ZNF292: variants seen among roughly 807,000 people sequenced by gnomAD.
ZNF292 encodes 16 zinc-finger domain protein.
In ZNF292, 26 loss-of-function variants were observed where a neutral mutation model predicts 217.9. That is an observed-to-expected ratio of 0.12 (90% CI 0.09 to 0.17). ZNF292 has a LOEUF of 0.17. ZNF292 is among the 10% of genes least tolerant of loss of function. The pLI is 1.00. For synonymous variants in ZNF292, 1,257 were observed against 1,124.1 expected, an observed-to-expected ratio of 1.12 and a Z score of -2.37; for missense variants, 2,904 against 3,175.2, an observed-to-expected ratio of 0.91 and a Z score of 2.05.
chr6:87,167,824 G>A (rs1177382918), intron 1 of ZNF292, among the ~76,000 whole-genome samples: 2 of 152,102 alleles, frequency 1.3e-5, no homozygotes, highest in Admixed American at 6.5e-5. Context: ...GGAATTCTTC[G>A]CTGATTCAGA....
intron 1 of ZNF292, among the ~76,000 whole-genome samples, chr6:87,206,729 C>T (rs1393657549): frequency 6.6e-6 from 1 of 152,002 alleles, no homozygotes; most frequent in Non-Finnish European, 1.5e-5. Context: ...TATATGAATT[C>T]CTAACAATCA....
intron 4 of ZNF292, among the ~76,000 whole-genome samples, chr6:87,228,232 T>C (rs1360253649): frequency 6.6e-6 from 1 of 152,244 alleles, no homozygotes; most frequent in African/African-American, 2.4e-5. Context: ...ATGTTATCTT[T>C]TGAGAAATAT....
At position 87,255,061 on chromosome 6, in the gene ZNF292, G is replaced by T; in HGVS notation, c.1432G>T (p.Val478Leu). ...AATAGATGAACTAAATGACAGTGAA[G>T]TATATGAAAAAGTGGTAGACTACCA... ...SSIDELNDSEVYEKVVDYQEE... is the reference protein window; with the variant it reads ...SSIDELNDSELYEKVVDYQEE... The change falls in exon 8 of 8, where the codon GTA becomes TTA. Residue 478 changes from valine to leucine, a missense_variant. Val to Leu is a conservative substitution (Grantham distance 32). Transcript: ENST00000369577. The T allele has an allele frequency of 6.2e-7, 1 of 1,613,700 alleles. No individual in the cohort carries two copies. Among genetic ancestry groups the T allele is most frequent in the Non-Finnish European group, 8.5e-7 (1 of 1,179,852 alleles).
At chr6:87,181,767 C>T (rs896791927) in intron 1 of ZNF292, among the ~76,000 whole-genome samples, 15 of 152,074 alleles carry the variant, frequency 9.9e-5, no homozygotes, top group African/African-American at 2.7e-4. Context: ...CTGCAACCTC[C>T]GCCTCCTGGG....
rs1775644114 is a variant in ZNF292 at position 87,262,221 on chromosome 6, GAC to G, written c.*424_*425del. The G allele has an allele frequency of 1.3e-5, 2 of 152,360 alleles. No homozygotes were observed. The highest frequency in any genetic ancestry group is 1.3e-4 in the Admixed American group (2 of 15,258). The allele number at this position is 152,360 out of a possible 1,614,324, so 9.4% of individuals were successfully genotyped here. The stretch of plus-strand genomic sequence containing the variant: ...AGTCTGTAAGTCTAAACTATTAAAT[GAC>G]ACATTTATATTTGGAATTTTAATTT... On this transcript the variant is annotated 3_prime_UTR_variant, in exon 8 of 8. Coordinates refer to ENST00000369577, the MANE Select transcript of ZNF292 (RefSeq NM_015021.3).
Position 87,259,782 on chromosome 6 carries a change from C to G in ZNF292, c.6153C>G (p.Asp2051Glu). Residue 2051 changes from aspartate to glutamate, a missense_variant, in exon 8 of 8, where the codon GAC (aspartate) becomes GAG (glutamate). Physicochemically the swap from Asp to Glu is conservative, Grantham distance 45 (BLOSUM62 2). Around this residue, in one of 15 missense-constraint regions of ZNF292, gnomAD observed 261 missense variants for 272.8 expected, o/e 0.96. Transcript: ENST00000369577. ...AACTTGTAGAAAAAAAAAGTCCTGA[C>G]AAAACAGAAAGTTCTTTACAAGTGA... The part of the protein sequence containing the change: ...EKQLVEKKSP[D>E]KTESSLQVIT... 6.2e-7 allele frequency: 1 copy of G among 1,604,196 alleles called. No individual in the cohort carries two copies. Among genetic ancestry groups the G allele is most frequent in the Non-Finnish European group, 8.5e-7 (1 of 1,175,196 alleles).
rs1772912385 is a variant in ZNF292 at position 87,218,691 on chromosome 6, G to A, written c.498G>A (p.Leu166=). 6.3e-7 allele frequency: 1 copy of A among 1,596,000 alleles called. No individual in the cohort carries two copies. Among genetic ancestry groups the A allele is most frequent in the Non-Finnish European group, 8.5e-7 (1 of 1,172,186 alleles). Residue 166 remains leucine, a synonymous_variant, in exon 4 of 8, where the codon CTG becomes CTA. Coordinates refer to ENST00000369577, the MANE Select transcript of ZNF292 (RefSeq NM_015021.3). ...QETGVWKNPV[L]CTILSQEPLD... Reference sequence around the variant, plus strand: ...CTGGGGTGTGGAAAAACCCGGTACTGTGCACTATTCTTTCCCAGGAACCAT... The same window carrying A: ...CTGGGGTGTGGAAAAACCCGGTACTATGCACTATTCTTTCCCAGGAACCAT...
At chr6:87,185,912 G>A (rs997860208) in intron 1 of ZNF292, among the ~76,000 whole-genome samples, 1 of 152,150 alleles carries the variant, frequency 6.6e-6, no homozygotes, top group Admixed American at 6.6e-5. Context: ...CCCTGCCTGG[G>A]TACACCTCCC....
chr6:87,223,746 C>T (rs1773207931), intron 4 of ZNF292: 1 of 152,110 alleles, frequency 6.6e-6, no homozygotes, highest in South Asian at 2.1e-4. Context: ...ACTCTTGTGT[C>T]CCTCATCAAT....
Position 87,216,003 on chromosome 6 carries a change from C to T in ZNF292, c.269C>T (p.Pro90Leu), listed in dbSNP as rs1327633366. 1.9e-6 allele frequency: 3 copies of T among 1,584,684 alleles called. No homozygotes were observed. The South Asian group carries it at 3.5e-5, about 18-fold the overall frequency. Reference sequence around the variant, plus strand: ...ATCCAAAGTTATGTTAAAGCCCGACCTTATCTTACCTCTGAATGTGAAAAT... The same window carrying T: ...ATCCAAAGTTATGTTAAAGCCCGACTTTATCTTACCTCTGAATGTGAAAAT... ...VAIQSYVKAR[P>L]YLTSECENVA... The change falls in exon 2 of 8, where the codon CCT becomes CTT. Residue 90 changes from proline to leucine, a missense_variant. Transcript: ENST00000369577.
At chr6:87,177,574 C>T (rs1210319779) in intron 1 of ZNF292, among the ~76,000 whole-genome samples, 1 of 152,172 alleles carries the variant, frequency 6.6e-6, no homozygotes, top group Non-Finnish European at 1.5e-5. Flanking sequence ...GTCTTCTATA[C>T]TGTCACTAAG....
At chr6:87,156,576 G>T (rs560323565) in intron 1 of ZNF292, among the ~76,000 whole-genome samples, 1 of 152,004 alleles carries the variant, frequency 6.6e-6, no homozygotes, top group African/African-American at 2.4e-5. Flanking sequence ...TTTCTGTCCC[G>T]ATCACCCCCT....
chr6:87,211,251 T>C (rs900678580), intron 1 of ZNF292, among the ~76,000 whole-genome samples: 3 of 152,238 alleles, frequency 2.0e-5, no homozygotes, highest in Admixed American at 6.5e-5. Context: ...TTCTGTCTTA[T>C]AGGAAACAGG....
intron 4 of ZNF292, among the ~76,000 whole-genome samples, chr6:87,230,473 C>A (rs190381402): frequency 1.2e-3 from 182 of 152,218 alleles, no homozygotes; most frequent in African/African-American, 4.2e-3. Context: ...GGGGCTCACA[C>A]CTGTAATCCC....
At position 87,254,730 on chromosome 6, in the gene ZNF292, G is replaced by C. The variant is rs780075728; in HGVS notation, c.1101G>C (p.Val367=). The C allele has an allele frequency of 1.2e-6, 2 of 1,613,932 alleles. No homozygotes were observed. The highest frequency in any genetic ancestry group is 1.7e-6 in the Non-Finnish European group (2 of 1,179,828). Residue 367 remains valine (V), a synonymous_variant, in exon 8 of 8, where the codon GTG becomes GTC. Coordinates refer to ENST00000369577, the MANE Select transcript of ZNF292 (RefSeq NM_015021.3). The part of the protein sequence containing the change: ...LRLESTENTE[V]KISICKTISC... ...TGGAGTCTACAGAAAATACTGAAGTGAAAATATCTATTTGCAAGACCATTT... is the reference window on the plus strand; with the variant it reads ...TGGAGTCTACAGAAAATACTGAAGTCAAAATATCTATTTGCAAGACCATTT...
rs775310354 is a variant in ZNF292, at chr6:87,257,122, A to C, written c.3493A>C (p.Asn1165His). ...YFLPSPVNSS[N>H]PFFTSQTKAN... ...TTTGCCATCACCGGTGAACAGCTCA[A>C]ATCCATTTTTTACATCACAGACCAA... Residue 1165 changes from asparagine to histidine, a missense_variant, in exon 8 of 8, where the codon AAT becomes CAT. By Grantham distance (68) the Asn-to-His change is moderately conservative. Transcript: ENST00000369577. 1 of 1,613,858 alleles carries C rather than the reference A, an allele frequency of 6.2e-7. No individual in the cohort carries two copies. The highest frequency in any genetic ancestry group is 1.7e-5 in the Admixed American group (1 of 59,982).
chr6:87,214,222 A>G (rs1772626846), intron 1 of ZNF292, among the ~76,000 whole-genome samples: 1 of 152,190 alleles, frequency 6.6e-6, no homozygotes, highest in Non-Finnish European at 1.5e-5. Context: ...ATGACCAGCT[A>G]CAATGTCATT....
Position 87,204,899 on chromosome 6 carries a change from G to A in ZNF292, c.169-11004G>A, listed in dbSNP as rs55968465. 9.9e-5 allele frequency among the ~76,000 whole-genome samples: 15 copies of A among 152,132 alleles called. No individual in the cohort carries two copies. The South Asian group carries it at 3.1e-3, about 32-fold the overall frequency. On this transcript the variant is annotated intron_variant, in intron 1 of 7. Transcript: ENST00000369577. ...TTTTTAAATCGCTGTGTATGTCTGA[G>A]ATTGGCCTGTGATTTTTTTCCTTTC...
chr6:87,238,203 G>C (rs752143271), intron 5 of ZNF292, among the ~76,000 whole-genome samples: 24 of 152,182 alleles, frequency 1.6e-4, no homozygotes, highest in Non-Finnish European at 7.4e-5. Flanking sequence ...TTAAGAGTAA[G>C]CTGGGCGGGT....
Sources: allele counts gnomAD v4.1 joint callset (sites outside exome capture counted in the v4.1 genomes callset), GRCh38; gene constraint gnomAD v4.1.1; regional missense constraint gnomAD v4.1.1; transcripts MANE v1.5; gene names NCBI Gene and HGNC (gene_info 2026-07-23, HGNC 2026-07-21).